The following IGF1R variants were observed in gnomAD, a reference collection of about 807,000 sequenced individuals.
The protein encoded by IGF1R is insulin-like growth factor 1 receptor.
In IGF1R, 44 loss-of-function variants were observed where a neutral mutation model predicts 144.6. That is an observed-to-expected ratio of 0.30 (90% CI 0.24 to 0.39). The LOEUF is 0.39. IGF1R is among the 10% of genes least tolerant of loss of function. The pLI is 1.00. For missense variants in IGF1R, 1,355 were observed against 1,833.7 expected (o/e 0.74, Z 4.77); for synonymous variants, 795 against 722.8 (o/e 1.10, Z -1.60).
chr15:98,907,251 T>C (rs1454337027), intron 5 of IGF1R, among the ~76,000 whole-genome samples: 1 of 152,170 alleles, frequency 6.6e-6, no homozygotes, highest in Non-Finnish European at 1.5e-5. Context: ...TAACCATAAT[T>C]TGTGCTTTAC....
Position 98,957,292 on chromosome 15 carries a change from C to T in IGF1R, c.3954C>T (p.Asp1318=), listed in dbSNP as rs45468291. 10 of 1,613,664 alleles carry T rather than the reference C, an allele frequency of 6.2e-6. No homozygotes were observed. In the East Asian group the frequency reaches 1.1e-4, roughly 18 times the overall value. ...CCTCGTCCTCCCTGCCACTGCCCGACAGACACTCAGGACACAAGGCCGAGA... is the reference window on the plus strand; with the variant it reads ...CCTCGTCCTCCCTGCCACTGCCCGATAGACACTCAGGACACAAGGCCGAGA... ...SASSSSLPLP[D]RHSGHKAENG... Residue 1318 remains aspartate, a synonymous_variant, in exon 21 of 21, where the codon GAC becomes GAT. Coordinates refer to ENST00000650285, the MANE Select transcript of IGF1R (RefSeq NM_000875.5).
At chr15:98,817,033 T>A (rs981760783) in intron 2 of IGF1R, among the ~76,000 whole-genome samples, 4 of 152,350 alleles carry the variant, frequency 2.6e-5, no homozygotes, top group Admixed American at 1.3e-4. Context: ...CTGCGTGTGG[T>A]GGCTCACACC....
At chr15:98,843,457 T>G (rs2011212474) in intron 2 of IGF1R, among the ~76,000 whole-genome samples, 1 of 152,220 alleles carries the variant, frequency 6.6e-6, no homozygotes, top group Non-Finnish European at 1.5e-5. Context: ...CTTATTGGTT[T>G]GTCTTAGCAA....
intron 1 of IGF1R, among the ~76,000 whole-genome samples, chr15:98,692,149 A>G (rs1052224167): frequency 6.6e-6 from 1 of 152,104 alleles, no homozygotes; most frequent in African/African-American, 2.4e-5. Context: ...CAGCCTGGGC[A>G]ACATGGTGAA....
At chr15:98,751,148 A>G (rs565086718) in intron 2 of IGF1R, among the ~76,000 whole-genome samples, 2 of 152,254 alleles carry the variant, frequency 1.3e-5, no homozygotes, top group Admixed American at 6.5e-5. Context: ...TGATCGTTAC[A>G]TGTTTATTTC....
chr15:98,905,032 C>T (rs2014666367), intron 5 of IGF1R, among the ~76,000 whole-genome samples: 1 of 152,228 alleles, frequency 6.6e-6, no homozygotes, highest in East Asian at 1.9e-4. Context: ...TGAGAGACTC[C>T]AGCCTGGGAG....
At chr15:98,914,364 G>A (rs2015151137) in intron 8 of IGF1R, among the ~76,000 whole-genome samples, 1 of 152,188 alleles carries the variant, frequency 6.6e-6, no homozygotes, top group South Asian at 2.1e-4. Context: ...ATACCCATAA[G>A]CGAGCACAAA....
chr15:98,886,436 T>G (rs140388826), intron 2 of IGF1R, among the ~76,000 whole-genome samples: 206 of 152,342 alleles, frequency 1.4e-3, no homozygotes, highest in Non-Finnish European at 2.5e-3. Context: ...GTTTTTATTG[T>G]TGGTCACTGT....
chr15:98,943,826 A>T (rs1391227756), intron 19 of IGF1R, among the ~76,000 whole-genome samples: 4 of 151,636 alleles, frequency 2.6e-5, no homozygotes, highest in Non-Finnish European at 5.9e-5. Context: ...GTAGTTGTTT[A>T]CTCCAACAGT....
chr15:98,950,694 C>G (rs2016739633), intron 20 of IGF1R, among the ~76,000 whole-genome samples: 1 of 152,222 alleles, frequency 6.6e-6, no homozygotes, highest in African/African-American at 2.4e-5. Context: ...AGGATACTCT[C>G]TCCCTTTTAA....
In IGF1R at chr15:98,962,674, A is replaced by G. The variant is rs2017272547; in HGVS notation, c.*5232A>G. 4.3e-6 allele frequency: 1 copy of G among 233,688 alleles called. No homozygotes were observed. The highest frequency in any genetic ancestry group is 8.5e-6 in the Non-Finnish European group (1 of 118,164). 14.5% of individuals were successfully genotyped at this position (233,688 alleles called of 1,614,324 possible). A position where few individuals can be genotyped will look rare whatever the true frequency, so the allele number is the denominator to read the frequency against. On this transcript the variant is annotated 3_prime_UTR_variant, in exon 21 of 21. Transcript: ENST00000650285. ...TTGTCACAGGGATCCTGGCACAGAG[A>G]AGAGTTACGAGCAGCAGGGTGCAGG... is the stretch of plus-strand genomic sequence containing the variant.
intron 2 of IGF1R, among the ~76,000 whole-genome samples, chr15:98,717,353 ACTAT>A (rs1029903543): frequency 6.6e-6 from 1 of 152,082 alleles, no homozygotes; most frequent in Non-Finnish European, 1.5e-5. Context: ...TTTAAATTAA[ACTAT>A]CTAAGAGTTG....
Position 98,948,696 on chromosome 15 carries a change from G to A in IGF1R, c.3710G>A (p.Cys1237Tyr), listed in dbSNP as rs2151726796. The A allele has an allele frequency of 6.2e-7, 1 of 1,614,146 alleles. No individual in the cohort carries two copies. Among genetic ancestry groups the A allele is most frequent in the Non-Finnish European group, 8.5e-7 (1 of 1,180,022 alleles). Residue 1237 changes from cysteine to tyrosine, a missense_variant, in exon 20 of 21, where the codon TGT (cysteine) becomes TAT (tyrosine). This residue lies in a region of IGF1R where 219 missense variants were observed against 188.8 expected (regional missense o/e 1.16). Coordinates refer to ENST00000650285, the MANE Select transcript of IGF1R (RefSeq NM_000875.5). Reference protein sequence around the residue: ...EGGLLDKPDNCPDMLFELMRM... With the variant: ...EGGLLDKPDNYPDMLFELMRM... Reference sequence around the variant, plus strand: ...GGCCTTCTGGACAAGCCAGACAACTGTCCTGACATGCTGTACGTACTTCCT... The same window carrying A: ...GGCCTTCTGGACAAGCCAGACAACTATCCTGACATGCTGTACGTACTTCCT...
chr15:98,950,344 C>G (rs1412723261), intron 20 of IGF1R, among the ~76,000 whole-genome samples: 1 of 152,230 alleles, frequency 6.6e-6, no homozygotes, highest in Non-Finnish European at 1.5e-5. Context: ...CCTACAGTGT[C>G]TGTGGGCCAG....
At chr15:98,799,318 T>C (rs1460941083) in intron 2 of IGF1R, among the ~76,000 whole-genome samples, 1 of 151,646 alleles carries the variant, frequency 6.6e-6, no homozygotes, top group African/African-American at 2.4e-5. Flanking sequence ...GACCTGAAGG[T>C]TTCTTTGTAA....
intron 5 of IGF1R, among the ~76,000 whole-genome samples, chr15:98,908,111 C>T (rs1440533787): frequency 2.0e-5 from 3 of 152,184 alleles, no homozygotes; most frequent in Admixed American, 6.5e-5. Context: ...CCTCCTCCCC[C>T]ACACCTCCAG....
chr15:98,705,456 C>G (rs1018287430), intron 1 of IGF1R, among the ~76,000 whole-genome samples: 2 of 152,194 alleles, frequency 1.3e-5, no homozygotes, highest in African/African-American at 4.8e-5. Context: ...GTATAAGTGA[C>G]TTGACTTCCC....
intron 10 of IGF1R, among the ~76,000 whole-genome samples, chr15:98,921,008 C>T (rs77176514): frequency 0.02 from 3,075 of 152,242 alleles, 89 homozygotes; most frequent in African/African-American, 0.066. Context: ...CTGCTGCTGC[C>T]GCGCTCTCCC....
intron 1 of IGF1R, among the ~76,000 whole-genome samples, chr15:98,693,496 G>A (rs2053527201): frequency 1.3e-5 from 2 of 152,184 alleles, no homozygotes; most frequent in African/African-American, 4.8e-5. Flanking sequence ...CTTGCTTGGT[G>A]GGTGCCTGGG....
Sources: gnomAD v4.1 joint callset for allele counts (sites outside exome capture counted in the v4.1 genomes callset) on GRCh38, gnomAD v4.1.1 for gene constraint, gnomAD v4.1.1 regional missense constraint, MANE v1.5 for transcripts, NCBI Gene and HGNC (gene_info 2026-07-23, HGNC 2026-07-21) for gene names.